ZDHHC19: variants seen among roughly 807,000 people sequenced by gnomAD.
ZDHHC19 encodes the protein palmitoyltransferase ZDHHC19.
Under a neutral mutation model 33.9 loss-of-function variants are expected in ZDHHC19, and 30 were observed. The ratio of observed to expected loss-of-function variants is 0.88; its 90% CI spans 0.66 to 1.20. The LOEUF is 1.20. Among genes scored for constraint, ZDHHC19 ranks in the 50% most tolerant of loss-of-function variants. The pLI is 0.00. For synonymous variants in ZDHHC19, 178 were observed against 167.6 expected (o/e 1.06, Z -0.48); for missense variants, 364 against 401.1 (o/e 0.91, Z 0.79).
At chr3:196,202,095 G>T (rs747590902) in intron 5 of ZDHHC19, among the ~76,000 whole-genome samples, 1 of 152,168 alleles carries the variant, frequency 6.6e-6, no homozygotes, top group African/African-American at 2.4e-5. Context: ...AAGATGGGTG[G>T]AGCATTTGAG....
chr3:196,200,254 G>A (rs1722155996), intron 5 of ZDHHC19, among the ~76,000 whole-genome samples: 3 of 150,100 alleles, frequency 2.0e-5, no homozygotes, highest in African/African-American at 7.4e-5. Context: ...CAGCCTGAAT[G>A]ACAGAGTGGG....
rs1473714962 is a variant in ZDHHC19, at chr3:196,198,346, G to A, written c.879C>T (p.Ala293=). 1.3e-6 allele frequency: 2 copies of A among 1,520,604 alleles called. No individual in the cohort carries two copies. The allele number at this position is 1,520,604 out of a possible 1,614,324, so 94.2% of individuals were successfully genotyped here. ...PMSPSALNPP[A]PTSGSLQSRE... ...TGCTTTGTAGGGACCCAGAGGTTGG[G>A]GCTGGGGGGTTGAGAGCAGAGGGGG... Residue 293 remains alanine, a synonymous_variant, in exon 7 of 8, where the codon GCC becomes GCT. Transcript: ENST00000296326.
intron 3 of ZDHHC19, 27 bp downstream of exon 3, chr3:196,209,349 C>T: frequency 1.9e-6 from 3 of 1,576,364 alleles, no homozygotes; most frequent in Non-Finnish European, 2.6e-6. Flanking sequence ...GGGGCGATGG[C>T]TGGTGGACAG....
At chr3:196,211,062 C>G in intron 1 of ZDHHC19, 108 bp downstream of exon 1, 1 of 1,556,528 alleles carries the variant, frequency 6.4e-7, no homozygotes. Context: ...TCCCCTTTTC[C>G]CTGACCTCTC....
intron 5 of ZDHHC19, among the ~76,000 whole-genome samples, chr3:196,202,027 A>G (rs572985934): frequency 6.6e-6 from 1 of 152,208 alleles, no homozygotes; most frequent in East Asian, 1.9e-4. Flanking sequence ...GGCCTTAAAA[A>G]TGTTCCAGGG....
intron 6 of ZDHHC19, 33 bp downstream of exon 6, chr3:196,198,756 T>C: frequency 1.9e-6 from 3 of 1,612,360 alleles, no homozygotes; most frequent in Non-Finnish European, 2.5e-6. Flanking sequence ...ACCCCCAGGG[T>C]TCACCAGTTG....
rs1722987068 is a variant in ZDHHC19, at chr3:196,208,761, T to TA, written c.409-202dup. 8.2e-6 allele frequency: 5 copies of TA among 609,280 alleles called. No homozygotes were observed. In the South Asian group the frequency reaches 1.0e-4, roughly 12 times the overall value. 37.7% of individuals were successfully genotyped at this position (609,280 alleles called of 1,614,324 possible). A position where few individuals can be genotyped will look rare whatever the true frequency, so the allele number is the denominator to read the frequency against. Reference sequence around the variant, plus strand: ...TGTTAGAGCACAGTTAGGACTCTGGTATATACGGTCACCTGTCAGAAGACC... The same window carrying TA: ...TGTTAGAGCACAGTTAGGACTCTGGTAATATACGGTCACCTGTCAGAAGACC... On this transcript the variant is annotated intron_variant, in intron 3 of 7. Transcript: ENST00000296326.
chr3:196,209,233 G>T (rs1723018158), intron 3 of ZDHHC19, 143 bp downstream of exon 3: 1 of 1,177,988 alleles, frequency 8.5e-7, no homozygotes, highest in Non-Finnish European at 1.2e-6. Flanking sequence ...AGTGACCAAG[G>T]GTGGCTGGGA....
intron 6 of ZDHHC19, 161 bp downstream of exon 6, chr3:196,198,628 G>A (rs751209582): frequency 3.9e-6 from 6 of 1,549,716 alleles, no homozygotes; most frequent in Admixed American, 2.0e-5. Flanking sequence ...ACAGAGCCAA[G>A]GACGTAGGGA....
Position 196,198,396 on chromosome 3 carries a change from T to C in ZDHHC19, c.829A>G (p.Met277Val), listed in dbSNP as rs778396464. The C allele has an allele frequency of 1.3e-6, 2 of 1,543,958 alleles. No individual in the cohort carries two copies. Among genetic ancestry groups the C allele is most frequent in the Admixed American group, 4.0e-5 (2 of 50,014 alleles). ...GACATTGGAGGGTGCAGATTCGGCA[T>C]GGATGTCCAGTCAGGCCCCACCACT... ...QRVVGPDWTS[M>V]PNLHPPMSPS... Residue 277 changes from methionine to valine, a missense_variant, in exon 7 of 8, where the codon ATG (methionine) becomes GTG (valine). Met to Val is a conservative substitution (Grantham distance 21, BLOSUM62 1). Coordinates refer to ENST00000296326, the MANE Select transcript of ZDHHC19 (RefSeq NM_001039617.2).
rs763275852 is a variant in ZDHHC19, at chr3:196,207,523, G to C, written c.582-20C>G. The C allele has an allele frequency of 3.9e-6, 6 of 1,530,426 alleles. No individual in the cohort carries two copies. The highest frequency in any genetic ancestry group is 2.6e-5 in the East Asian group (1 of 38,596). The allele number at this position is 1,530,426 out of a possible 1,614,324, so 94.8% of individuals were successfully genotyped here. On this transcript the variant is annotated intron_variant, in intron 4 of 7. Transcript: ENST00000296326. ...ACGATGCTGCGCGGGTTAAGGAACC[G>C]GGCTGCGGGACCCCCACGCCTGGCC...
At chr3:196,202,253 G>A (rs1426314029) in intron 5 of ZDHHC19, 2 of 152,110 alleles carry the variant, frequency 1.3e-5, no homozygotes, top group African/African-American at 2.4e-5. Context: ...CCCAGGAGGT[G>A]GAGGCTGCGG....
intron 5 of ZDHHC19, 41 bp from the exon 6 acceptor site, chr3:196,198,915 C>A: frequency 6.3e-7 from 1 of 1,599,812 alleles, no homozygotes; most frequent in African/African-American, 1.3e-5. Context: ...TCAGAACCAG[C>A]AGGAATGGCT....
chr3:196,205,442 G>A (rs1391086024), intron 5 of ZDHHC19, among the ~76,000 whole-genome samples: 1 of 152,120 alleles, frequency 6.6e-6, no homozygotes, highest in Non-Finnish European at 1.5e-5. Context: ...AAAGTGATAA[G>A]GACAGAGGAC....
chr3:196,208,365 TG>T, intron 4 of ZDHHC19, 22 bp downstream of exon 4: 12 of 1,520,216 alleles, frequency 7.9e-6, no homozygotes, highest in Non-Finnish European at 1.1e-5. Context: ...CCTCCTCTCC[TG>T]CTTCCCCACG....
chr3:196,209,213 A>G, intron 3 of ZDHHC19, 163 bp downstream of exon 3: 1 of 964,632 alleles, frequency 1.0e-6, no homozygotes, highest in South Asian at 1.8e-5. Context: ...GTGCAGGTGG[A>G]GAACACATGA....
intron 5 of ZDHHC19, among the ~76,000 whole-genome samples, chr3:196,204,313 T>C (rs1722574114): frequency 6.6e-6 from 1 of 151,980 alleles, no homozygotes; most frequent in Admixed American, 6.6e-5. Context: ...TACATATAAA[T>C]CTAACAAAAT....
chr3:196,200,446 C>T (rs1722205557), intron 5 of ZDHHC19, among the ~76,000 whole-genome samples: 1 of 149,006 alleles, frequency 6.7e-6, no homozygotes, highest in Non-Finnish European at 1.5e-5. Flanking sequence ...GCTCCGCCTC[C>T]CAGGTTCACG....
chr3:196,199,863 T>G (rs1344295787), intron 5 of ZDHHC19, among the ~76,000 whole-genome samples: 2 of 151,978 alleles, frequency 1.3e-5, no homozygotes, highest in African/African-American at 2.4e-5. Flanking sequence ...AAGAATCGCT[T>G]GAACCCGGGA....
Sources: allele counts gnomAD v4.1 joint callset (sites outside exome capture counted in the v4.1 genomes callset), GRCh38; gene constraint gnomAD v4.1.1; transcripts MANE v1.5; gene names NCBI Gene and HGNC (gene_info 2026-07-23, HGNC 2026-07-21).